NRIP3: variants seen among roughly 807,000 people sequenced by gnomAD.
The protein encoded by NRIP3 is nuclear receptor interacting protein 3.
A neutral mutation model predicts 29.0 loss-of-function variants in NRIP3; 31 were observed. That is an observed-to-expected ratio of 1.07 (90% confidence interval 0.80 to 1.44). NRIP3 has a LOEUF of 1.44. Ranked by LOEUF, NRIP3 falls within the 40% of genes most tolerant of loss-of-function variation. The pLI is 0.00. For missense variants in NRIP3, 314 were observed against 297.9 expected, an observed-to-expected ratio of 1.05 and a Z score of -0.40; for synonymous variants, 131 against 118.3, an observed-to-expected ratio of 1.11 and a Z score of -0.70.
chr11:8,997,973 A>G (rs1369911831), intron 1 of NRIP3, among the ~76,000 whole-genome samples: 1 of 152,234 alleles, frequency 6.6e-6, no homozygotes, highest in East Asian at 1.9e-4. Context: ...ACTAGCTAGC[A>G]ACAGAGCCAC....
chr11:8,985,665 A>C, intron 4 of NRIP3, 46 bp downstream of exon 4: 1 of 1,590,360 alleles, frequency 6.3e-7, no homozygotes, highest in South Asian at 1.1e-5. Context: ...GGGTAGGGAG[A>C]GGGTTTCCGT....
chr11:8,996,275 C>CTTTTTTTTTT (rs386373056), intron 1 of NRIP3, among the ~76,000 whole-genome samples: 62 of 82,952 alleles, frequency 7.5e-4, no homozygotes, highest in East Asian at 1.7e-3. Flanking sequence ...CCTTTTTTTC[C>CTTTTTTTTTT]TTTTTTTTTT....
chr11:9,003,677 C>G (rs1854853720), intron 1 of NRIP3, 85 bp downstream of exon 1: 7 of 1,273,860 alleles, frequency 5.5e-6, no homozygotes, highest in Non-Finnish European at 7.1e-6. Context: ...GGCCGTGACT[C>G]AGTGAAAGCC....
At chr11:8,992,082 T>C (rs1156239706) in intron 1 of NRIP3, among the ~76,000 whole-genome samples, 1 of 152,260 alleles carries the variant, frequency 6.6e-6, no homozygotes, top group African/African-American at 2.4e-5. Context: ...ATAAACTATT[T>C]TGTTTGAGCT....
intron 1 of NRIP3, among the ~76,000 whole-genome samples, chr11:9,000,434 T>A (rs373015246): frequency 2.6e-5 from 4 of 152,234 alleles, no homozygotes; most frequent in Non-Finnish European, 5.9e-5. Flanking sequence ...AGGTATTTTA[T>A]GGTAAGTTTG....
rs35481824 is a variant in NRIP3 at position 8,982,829 on chromosome 11, CT to C, written c.*715del. 0.32 allele frequency: 89,743 copies of C among 284,682 alleles called. 5,715 individuals carry two copies. The highest frequency in any genetic ancestry group is 0.41 in the Middle Eastern group (825 of 2,004). 17.6% of individuals were successfully genotyped at this position (284,682 alleles called of 1,614,324 possible). A position where few individuals can be genotyped will look rare whatever the true frequency, so the allele number is the denominator to read the frequency against. On this transcript the variant is annotated 3_prime_UTR_variant, in exon 7 of 7. Coordinates refer to ENST00000309166, the MANE Select transcript of NRIP3 (RefSeq NM_020645.3). ...AGAGAATATTCCTCCCATGCTCTGC[CT>C]TTTTTTTTTTTTTTTTAACACATTC...
intron 1 of NRIP3, among the ~76,000 whole-genome samples, chr11:8,994,384 T>C (rs1854664910): frequency 6.6e-6 from 1 of 152,230 alleles, no homozygotes; most frequent in Admixed American, 6.5e-5. Context: ...ATAATCTCTA[T>C]AGAGGAGTTC....
In NRIP3 at chr11:9,003,789, G is replaced by T. The variant is rs1286111198; in HGVS notation, c.147C>A (p.Leu49=). ...TGTCCTTGGACGAGCCCAGCTTCTTGAGGCCGTCCAGGGGCAGCAGGTCGG... is the reference window on the plus strand; with the variant it reads ...TGTCCTTGGACGAGCCCAGCTTCTTTAGGCCGTCCAGGGGCAGCAGGTCGG... ...DSADLLPLDG[L]KKLGSSKDMQ... is the part of the protein sequence containing the mutation. The change falls in exon 1 of 7, where the codon CTC becomes CTA. Residue 49 remains leucine (L), a synonymous_variant. Transcript: ENST00000309166. 1 of 1,498,582 alleles carries T rather than the reference G, an allele frequency of 6.7e-7. No homozygotes were observed. The highest frequency in any genetic ancestry group is 1.5e-5 in the African/African-American group (1 of 68,934). The allele number at this position is 1,498,582 out of a possible 1,614,324, so 92.8% of individuals were successfully genotyped here.
At chr11:8,985,381 G>C (rs1854501597) in intron 4 of NRIP3, among the ~76,000 whole-genome samples, 1 of 149,310 alleles carries the variant, frequency 6.7e-6, no homozygotes, top group Admixed American at 6.7e-5. Flanking sequence ...GTGTTAGCTA[G>C]GATGGTCTCG....
At chr11:8,999,249 T>C (rs375294393) in intron 1 of NRIP3, among the ~76,000 whole-genome samples, 13 of 152,242 alleles carry the variant, frequency 8.5e-5, no homozygotes, top group East Asian at 5.8e-4. Flanking sequence ...CTTAATCCAA[T>C]GCATCAATTA....
chr11:8,983,921 T>G lies in NRIP3; in HGVS notation c.664A>C (p.Lys222Gln). The G allele has an allele frequency of 6.2e-7, 1 of 1,614,224 alleles. No individual in the cohort carries two copies. The highest frequency in any genetic ancestry group is 1.1e-5 in the South Asian group (1 of 91,090). The change falls in exon 6 of 7, where the codon AAG becomes CAG. Residue 222 changes from lysine (K) to glutamine (Q), a missense_variant. By Grantham distance (53) the Lys-to-Gln change is moderately conservative. Coordinates refer to ENST00000309166, the MANE Select transcript of NRIP3 (RefSeq NM_020645.3). ...KHRLIMGKTD[K>Q]EEIPFVETVS... Reference sequence around the variant, plus strand: ...GTCTCCACAAAAGGGATTTCTTCCTTGTCTGTCTTCCCCATGATCAGCCGG... The same window carrying G: ...GTCTCCACAAAAGGGATTTCTTCCTGGTCTGTCTTCCCCATGATCAGCCGG...
intron 1 of NRIP3, among the ~76,000 whole-genome samples, chr11:8,994,347 C>T (rs886284033): frequency 2.0e-5 from 3 of 152,200 alleles, no homozygotes; most frequent in African/African-American, 7.2e-5. Flanking sequence ...CTAGCTCTAA[C>T]AGACATTGGG....
chr11:8,991,817 T>C (rs1854607117), intron 1 of NRIP3, among the ~76,000 whole-genome samples: 1 of 152,224 alleles, frequency 6.6e-6, no homozygotes, highest in Admixed American at 6.5e-5. Flanking sequence ...GCCATATGAC[T>C]GAGTTCTACA....
At position 8,982,952 on chromosome 11, in the gene NRIP3, CACTGACCTAATATATGA is replaced by C. The variant is rs1169331688; in HGVS notation, c.*576_*592del. On this transcript the variant is annotated 3_prime_UTR_variant, in exon 7 of 7. Transcript: ENST00000309166. ...GGTCTGCGTTCTTGGTCCCTTCAGTCACTGACCTAATATATGAACTTAGACAATTCACTTGCCTCTCT... is the reference window on the plus strand; with the variant it reads ...GGTCTGCGTTCTTGGTCCCTTCAGTCACTTAGACAATTCACTTGCCTCTCT... 1.3e-5 allele frequency: 6 copies of C among 456,324 alleles called. No individual in the cohort carries two copies. Among genetic ancestry groups the C allele is most frequent in the African/African-American group, 4.0e-5 (2 of 50,008 alleles). The allele number at this position is 456,324 out of a possible 1,614,324, so 28.3% of individuals were successfully genotyped here.
chr11:8,998,262 C>G (rs1854741894), intron 1 of NRIP3, among the ~76,000 whole-genome samples: 1 of 152,196 alleles, frequency 6.6e-6, no homozygotes, highest in Non-Finnish European at 1.5e-5. Context: ...TTTGCAGTTG[C>G]TCAAAAACAT....
At chr11:8,994,744 TCTGTTCCTGTCTCTCTCA>T (rs1273154059) in intron 1 of NRIP3, among the ~76,000 whole-genome samples, 1 of 152,238 alleles carries the variant, frequency 6.6e-6, no homozygotes, top group African/African-American at 2.4e-5. Flanking sequence ...ACCTGTTTAT[TCTGTTCCTGTCTCTCTCA>T]CTGGTTCCTT....
At position 8,991,813 on chromosome 11, in the gene NRIP3, T is replaced by A. The variant is rs574216630; in HGVS notation, c.175-3531A>T. Reference sequence around the variant, plus strand: ...CTCTTTGTAGTTAGGCATAGCCATATGACTGAGTTCTACAGAATAGAATGT... The same window carrying A: ...CTCTTTGTAGTTAGGCATAGCCATAAGACTGAGTTCTACAGAATAGAATGT... On this transcript the variant is annotated intron_variant, in intron 1 of 6. Transcript: ENST00000309166. 1.6e-4 allele frequency among the ~76,000 whole-genome samples: 25 copies of A among 152,340 alleles called. No individual in the cohort carries two copies. The South Asian group carries it at 5.2e-3, about 32-fold the overall frequency.
rs767500355 is a variant in NRIP3 at position 9,003,802 on chromosome 11, G to A, written c.134C>T (p.Pro45Leu). The A allele has an allele frequency of 1.5e-5, 22 of 1,508,204 alleles. No homozygotes were observed. Among genetic ancestry groups the A allele is most frequent in the Admixed American group, 2.1e-5 (1 of 47,000 alleles). The allele number at this position is 1,508,204 out of a possible 1,614,324, so 93.4% of individuals were successfully genotyped here. ...GCCCAGCTTCTTGAGGCCGTCCAGG[G>A]GCAGCAGGTCGGCGGAGTCCTTGTG... ...FIHKDSADLL[P>L]LDGLKKLGSS... Residue 45 changes from proline to leucine, a missense_variant, in exon 1 of 7, where the codon CCC (proline) becomes CTC (leucine). Physicochemically the swap from Pro to Leu is moderately conservative, Grantham distance 98 (BLOSUM62 -3). Coordinates refer to ENST00000309166, the MANE Select transcript of NRIP3 (RefSeq NM_020645.3).
In NRIP3 at chr11:8,987,633, G is replaced by A; in HGVS notation, c.340-3C>T. 2 of 1,611,584 alleles carry A rather than the reference G, an allele frequency of 1.2e-6. No individual in the cohort carries two copies. Among genetic ancestry groups the A allele is most frequent in the Non-Finnish European group, 1.7e-6 (2 of 1,177,734 alleles). Reference sequence around the variant, plus strand: ...GCTTTCACATCCTTTCCAGCACACTGTGGGGAGGAAATGTACTGTTCAATA... The same window carrying A: ...GCTTTCACATCCTTTCCAGCACACTATGGGGAGGAAATGTACTGTTCAATA... On this transcript the variant is annotated splice_region_variant and splice_polypyrimidine_tract_variant and intron_variant, in intron 2 of 6. Coordinates refer to ENST00000309166, the MANE Select transcript of NRIP3 (RefSeq NM_020645.3).
Sources: gnomAD v4.1 joint callset for allele counts (sites outside exome capture counted in the v4.1 genomes callset) on GRCh38, gnomAD v4.1.1 for gene constraint, MANE v1.5 for transcripts, NCBI Gene and HGNC (gene_info 2026-07-23, HGNC 2026-07-21) for gene names.